The following DAB1 variants were observed in gnomAD, a reference collection of about 807,000 sequenced individuals.
DAB1 encodes disabled homolog 1.
DAB1 carries 15 observed loss-of-function variants against 64.6 expected under a neutral mutation model. The ratio of observed to expected loss-of-function variants is 0.23; its 90% CI spans 0.16 to 0.36. The LOEUF is 0.36. DAB1 is among the 10% of genes least tolerant of loss of function. The probability of loss-of-function intolerance (pLI) is 1.00; values close to 1 mark genes in which losing one functional copy is unlikely to be tolerated. For missense variants in DAB1, 596 were observed against 706.7 expected, an observed-to-expected ratio of 0.84 and a Z score of 1.78; for synonymous variants, 235 against 251.9, an observed-to-expected ratio of 0.93 and a Z score of 0.64.
intron 6 of DAB1, among the ~76,000 whole-genome samples, chr1:57,800,803 C>G (rs957023815): frequency 2.6e-5 from 4 of 152,128 alleles, no homozygotes; most frequent in Non-Finnish European, 4.4e-5. Context: ...CCTGAAATAC[C>G]AAGCATCAGC....
At chr1:57,717,507 T>C (rs1226625110) in intron 6 of DAB1, among the ~76,000 whole-genome samples, 1 of 152,122 alleles carries the variant, frequency 6.6e-6, no homozygotes, top group East Asian at 1.9e-4. Context: ...GAAAATAGTA[T>C]AGAGGTTCCT....
intron 4 of DAB1, among the ~76,000 whole-genome samples, chr1:57,072,632 T>C (rs886477247): frequency 6.6e-6 from 1 of 152,208 alleles, no homozygotes; most frequent in Non-Finnish European, 1.5e-5. Context: ...CATAGGATTG[T>C]TCATATGCTG....
At chr1:57,561,639 C>T (rs888875595) in intron 7 of DAB1, among the ~76,000 whole-genome samples, 1 of 152,170 alleles carries the variant, frequency 6.6e-6, no homozygotes, top group Non-Finnish European at 1.5e-5. Flanking sequence ...CTGTGGACAC[C>T]ACTCAGCCTC....
intron 7 of DAB1, among the ~76,000 whole-genome samples, chr1:57,612,367 A>T (rs1420586947): frequency 1.3e-5 from 2 of 152,096 alleles, no homozygotes; most frequent in East Asian, 3.9e-4. Flanking sequence ...TACTTTGCAG[A>T]TATGATTGGA....
At chr1:57,548,262 T>A (rs1484677488) in intron 7 of DAB1, among the ~76,000 whole-genome samples, 1 of 152,112 alleles carries the variant, frequency 6.6e-6, no homozygotes, top group Non-Finnish European at 1.5e-5. Flanking sequence ...GCAACAGGTA[T>A]TATTATTATC....
chr1:57,820,760 C>T (rs1439525854), intron 6 of DAB1, among the ~76,000 whole-genome samples: 3 of 152,102 alleles, frequency 2.0e-5, no homozygotes, highest in East Asian at 3.9e-4. Context: ...CAAGGAATTA[C>T]ATTAAAAAAT....
At chr1:58,362,249 C>T (rs1465931013) in intron 3 of DAB1, among the ~76,000 whole-genome samples, 1 of 152,164 alleles carries the variant, frequency 6.6e-6, no homozygotes, top group African/African-American at 2.4e-5. Context: ...CCAGATGTGG[C>T]ATCTTGGCCT....
intron 1 of DAB1, among the ~76,000 whole-genome samples, chr1:57,375,632 C>T (rs1680833465): frequency 1.3e-5 from 2 of 152,174 alleles, no homozygotes; most frequent in Admixed American, 1.3e-4. Flanking sequence ...AGAGCCCAAA[C>T]TCTGAACCAC....
chr1:57,771,878 T>C (rs1226796751), intron 6 of DAB1, among the ~76,000 whole-genome samples: 1 of 152,174 alleles, frequency 6.6e-6, no homozygotes, highest in East Asian at 1.9e-4. Flanking sequence ...TTCTGGCTTC[T>C]TGCACTCACC....
chr1:57,786,183 A>G (rs1184076179), intron 6 of DAB1, among the ~76,000 whole-genome samples: 2 of 152,186 alleles, frequency 1.3e-5, no homozygotes, highest in East Asian at 3.9e-4. Context: ...ATACTTTTGC[A>G]CACTTAATGG....
chr1:57,925,038 C>G (rs969492360), intron 5 of DAB1, among the ~76,000 whole-genome samples: 11 of 152,162 alleles, frequency 7.2e-5, no homozygotes, highest in Non-Finnish European at 1.5e-5. Flanking sequence ...TATCTGTGCA[C>G]TTTTCACATA....
chr1:58,022,901 G>T (rs1206497658), intron 5 of DAB1, among the ~76,000 whole-genome samples: 1 of 151,966 alleles, frequency 6.6e-6, no homozygotes, highest in Non-Finnish European at 1.5e-5. Flanking sequence ...GAGTTTGCTG[G>T]GAGTAAGATC....
intron 3 of DAB1, among the ~76,000 whole-genome samples, chr1:58,407,127 C>A (rs1343457181): frequency 6.6e-6 from 1 of 152,196 alleles, no homozygotes; most frequent in African/African-American, 2.4e-5. Flanking sequence ...TCACCCCCAC[C>A]TCTTTCTTAT....
intron 6 of DAB1, among the ~76,000 whole-genome samples, chr1:57,651,614 T>C (rs1217199387): frequency 1.3e-5 from 2 of 152,056 alleles, no homozygotes; most frequent in South Asian, 4.1e-4. Context: ...TTTTCTTATA[T>C]ATAAAGTGGG....
At chr1:58,435,752 T>C (rs1260834736) in intron 3 of DAB1, among the ~76,000 whole-genome samples, 1 of 152,258 alleles carries the variant, frequency 6.6e-6, no homozygotes, top group Non-Finnish European at 1.5e-5. Flanking sequence ...CCTTGTGCCC[T>C]GTCACTGGGT....
At chr1:57,038,085 A>C (rs535084067) in intron 9 of DAB1, among the ~76,000 whole-genome samples, 2 of 152,362 alleles carry the variant, frequency 1.3e-5, no homozygotes, top group South Asian at 4.1e-4. Context: ...ACTCTAGATA[A>C]AATATATTAA....
At chr1:57,914,461 T>C (rs1053575704) in intron 5 of DAB1, among the ~76,000 whole-genome samples, 1 of 150,694 alleles carries the variant, frequency 6.6e-6, no homozygotes, top group Non-Finnish European at 1.5e-5. Flanking sequence ...TTAGGAGATA[T>C]ACCTAATGTA....
In DAB1 at chr1:57,846,455, C is replaced by CA. The variant is rs71051260; in HGVS notation, n.88-20001dup. Among the ~76,000 whole-genome samples, 645 of 113,642 alleles carry CA rather than the reference C, an allele frequency of 5.7e-3. 7 individuals carry two copies. The highest frequency in any genetic ancestry group is 0.023 in the East Asian group (78 of 3,362). The allele number at this position is 113,642 out of a possible 152,430, so 74.6% of individuals were successfully genotyped here. On this transcript the variant is annotated intron_variant and non_coding_transcript_variant, in intron 1 of 1. Coordinates refer to the DAB1 transcript ENST00000477280. Reference sequence around the variant, plus strand: ...CCTGGGCGACAGAGCAAGACTCCATCAAAAAAAAAAAAAAAAAAAAATCAA... The same window carrying CA: ...CCTGGGCGACAGAGCAAGACTCCATCAAAAAAAAAAAAAAAAAAAAAATCAA...
At chr1:57,755,435 A>C (rs985846863) in intron 6 of DAB1, among the ~76,000 whole-genome samples, 1 of 152,336 alleles carries the variant, frequency 6.6e-6, no homozygotes, top group African/African-American at 2.4e-5. Flanking sequence ...TCATTCAATA[A>C]GAATTTATTG....
Sources: allele counts gnomAD v4.1 joint callset (sites outside exome capture counted in the v4.1 genomes callset), GRCh38; gene constraint gnomAD v4.1.1; transcripts MANE v1.5; gene names NCBI Gene and HGNC (gene_info 2026-07-23, HGNC 2026-07-21).